The following CRYBG1 variants were observed in gnomAD, a reference collection of about 807,000 sequenced individuals.
CRYBG1 encodes crystallin beta-gamma domain containing 1, also known as beta/gamma crystallin domain-containing protein 1.
Under a neutral mutation model 189.2 loss-of-function variants are expected in CRYBG1, and 139 were observed. That is an observed-to-expected ratio of 0.73 (90% CI 0.64 to 0.85). CRYBG1 has a LOEUF of 0.85. CRYBG1 is among the 40% of genes least tolerant of loss of function. The pLI is 0.00. For synonymous variants in CRYBG1, 1,023 were observed against 1,017.1 expected (o/e 1.01, Z -0.11); for missense variants, 2,611 against 2,675.8 (o/e 0.98, Z 0.53).
In CRYBG1 at chr6:106,568,598, CT is replaced by C; in HGVS notation, c.*34del. On this transcript the variant is annotated 3_prime_UTR_variant, in exon 22 of 22. Transcript: ENST00000633556. ...AAGGAAGAAGAATCTTCTGGAGGTC[CT>C]TCCAGCCACCTTATTTCTTAAAAAG... The C allele has an allele frequency of 6.7e-7, 1 of 1,501,908 alleles. No individual in the cohort carries two copies. Among genetic ancestry groups the C allele is most frequent in the Non-Finnish European group, 9.3e-7 (1 of 1,080,404 alleles). 93.0% of individuals were successfully genotyped at this position (1,501,908 alleles called of 1,614,324 possible). A position where few individuals can be genotyped will look rare whatever the true frequency, so the allele number is the denominator to read the frequency against.
chr6:106,468,546 C>T (rs768259885), intron 2 of CRYBG1, among the ~76,000 whole-genome samples: 12 of 152,100 alleles, frequency 7.9e-5, no homozygotes, highest in Non-Finnish European at 8.8e-5. Flanking sequence ...GTGAATTAGC[C>T]GGGCATGATG....
intron 1 of CRYBG1, among the ~76,000 whole-genome samples, chr6:106,418,715 C>T (rs922161239): frequency 2.0e-5 from 3 of 152,154 alleles, no homozygotes; most frequent in South Asian, 2.1e-4. Context: ...TGTTATTCGT[C>T]TGGGGTAATA....
chr6:106,452,519 G>A (rs576630669), intron 2 of CRYBG1, among the ~76,000 whole-genome samples: 167 of 151,896 alleles, frequency 1.1e-3, no homozygotes, highest in Non-Finnish European at 2.0e-3. Context: ...CCTTTTGCGC[G>A]CCCTTTTTTC....
Position 106,568,661 on chromosome 6 carries a change from C to T in CRYBG1, c.*95C>T. 4 of 827,030 alleles carry T rather than the reference C, an allele frequency of 4.8e-6. No homozygotes were observed. Among genetic ancestry groups the T allele is most frequent in the Non-Finnish European group, 4.0e-6 (2 of 503,046 alleles). 51.2% of individuals were successfully genotyped at this position (827,030 alleles called of 1,614,324 possible). ...TGGAAGACCAGACTGGAAAGTGGAT[C>T]GACTCCTCCTTCATTGATTCTAAAT... On this transcript the variant is annotated 3_prime_UTR_variant, in exon 22 of 22. Coordinates refer to ENST00000633556, the MANE Select transcript of CRYBG1 (RefSeq NM_001371242.2).
At chr6:106,388,006 A>G (rs992046407) in intron 1 of CRYBG1, among the ~76,000 whole-genome samples, 3 of 152,110 alleles carry the variant, frequency 2.0e-5, no homozygotes, top group South Asian at 4.2e-4. Flanking sequence ...AGGTTAGGGC[A>G]TTGGTAGGAA....
chr6:106,500,732 C>A (rs1772989761), intron 2 of CRYBG1, among the ~76,000 whole-genome samples: 1 of 152,058 alleles, frequency 6.6e-6, no homozygotes, highest in Non-Finnish European at 1.5e-5. Flanking sequence ...GTATTTATTT[C>A]ATGGTTTTCT....
intron 1 of CRYBG1, among the ~76,000 whole-genome samples, chr6:106,433,624 C>T (rs1771381538): frequency 6.6e-6 from 1 of 150,734 alleles, no homozygotes. Context: ...TATTTCTGGG[C>T]TTGAGACCTG....
At chr6:106,545,619 A>G (rs1320850749) in intron 13 of CRYBG1, among the ~76,000 whole-genome samples, 5 of 151,738 alleles carry the variant, frequency 3.3e-5, no homozygotes, top group African/African-American at 1.2e-4. Flanking sequence ...TTCTGTGTTA[A>G]CTTGACTTTA....
chr6:106,503,151 A>C (rs1250255996), intron 2 of CRYBG1, among the ~76,000 whole-genome samples: 1 of 152,198 alleles, frequency 6.6e-6, no homozygotes, highest in Non-Finnish European at 1.5e-5. Flanking sequence ...CCAGAGCCCA[A>C]CTAAGAGATG....
intron 1 of CRYBG1, among the ~76,000 whole-genome samples, chr6:106,389,829 A>G (rs556101513): frequency 3.6e-4 from 55 of 152,160 alleles, no homozygotes; most frequent in African/African-American, 1.3e-3. Context: ...GTCGACTCCT[A>G]TAGTGAGAGG....
intron 9 of CRYBG1, among the ~76,000 whole-genome samples, chr6:106,540,637 G>A (rs1004350452): frequency 3.3e-5 from 5 of 151,436 alleles, no homozygotes; most frequent in Non-Finnish European, 7.4e-5. Flanking sequence ...AAGGTCATGT[G>A]CTTAGTTGTA....
At chr6:106,534,327 C>T (rs2353045) in intron 8 of CRYBG1, among the ~76,000 whole-genome samples, 68,384 of 151,696 alleles carry the variant, frequency 0.45, 15,947 homozygotes, top group South Asian at 0.52. Context: ...TGAGCATCTT[C>T]TTTTCTGGCT....
rs1772353333 is a variant in CRYBG1, at chr6:106,477,386, A to T, written c.312+25554A>T. Among the ~76,000 whole-genome samples, 3 of 152,336 alleles carry T rather than the reference A, an allele frequency of 2.0e-5. No individual in the cohort carries two copies. The South Asian group carries it at 6.2e-4, about 32-fold the overall frequency. ...GTTCTTACGTTTGCTTTGTGCTTTCAGTAGATAGTTAATATCCATTTAAAG... is the reference window on the plus strand; with the variant it reads ...GTTCTTACGTTTGCTTTGTGCTTTCTGTAGATAGTTAATATCCATTTAAAG... On this transcript the variant is annotated intron_variant, in intron 2 of 21. Coordinates refer to ENST00000633556, the MANE Select transcript of CRYBG1 (RefSeq NM_001371242.2).
intron 13 of CRYBG1, among the ~76,000 whole-genome samples, chr6:106,551,524 G>C (rs1229043467): frequency 1.3e-5 from 2 of 152,160 alleles, no homozygotes; most frequent in Non-Finnish European, 2.9e-5. Flanking sequence ...TTTCCCCTGG[G>C]TATATCCCAG....
intron 2 of CRYBG1, among the ~76,000 whole-genome samples, chr6:106,455,772 T>G (rs1269541265): frequency 6.6e-6 from 1 of 152,040 alleles, no homozygotes; most frequent in Admixed American, 6.5e-5. Flanking sequence ...AAAGGTTTTT[T>G]GCTTTAACCG....
At chr6:106,484,431 C>T (rs1216965704) in intron 2 of CRYBG1, among the ~76,000 whole-genome samples, 1 of 151,414 alleles carries the variant, frequency 6.6e-6, no homozygotes, top group East Asian at 2.0e-4. Flanking sequence ...AATCCTCCAA[C>T]CTCAGCCTCC....
chr6:106,538,414 A>T (rs183354838), intron 8 of CRYBG1, among the ~76,000 whole-genome samples: 70 of 152,306 alleles, frequency 4.6e-4, no homozygotes, highest in African/African-American at 1.7e-3. Context: ...TTGAAAAGCC[A>T]TAACAATCAG....
chr6:106,563,689 T>A, intron 20 of CRYBG1, 75 bp from the exon 21 acceptor site: 1 of 1,475,514 alleles, frequency 6.8e-7, no homozygotes, highest in Admixed American at 1.9e-5. Flanking sequence ...AAGCCCAATG[T>A]AACCAGAGAA....
At chr6:106,483,390 A>ATATATATATATATATATATATATAT (rs1772512847) in intron 2 of CRYBG1, among the ~76,000 whole-genome samples, 1 of 96,772 alleles carries the variant, frequency 1.0e-5, no homozygotes, top group Non-Finnish European at 2.5e-5. Context: ...ATATATATAT[A>ATATATATATATATATATATATATAT]GATATATATA....
Sources: allele counts gnomAD v4.1 joint callset (sites outside exome capture counted in the v4.1 genomes callset), GRCh38; gene constraint gnomAD v4.1.1; transcripts MANE v1.5; gene names NCBI Gene and HGNC (gene_info 2026-07-23, HGNC 2026-07-21).